The following HNF1B variants were observed in gnomAD, a reference collection of about 807,000 sequenced individuals.
The protein encoded by HNF1B is HNF1 homeobox B.
Under a neutral mutation model 61.7 loss-of-function variants are expected in HNF1B, and 8 were observed. The ratio of observed to expected loss-of-function variants is 0.13; its 90% CI spans 0.08 to 0.23. HNF1B has a LOEUF of 0.23. Ranked by LOEUF, HNF1B falls within the 10% of genes least tolerant of loss-of-function variation. HNF1B has a pLI of 1.00. For missense variants in HNF1B, 562 were observed against 714.5 expected (o/e 0.79, Z 2.43); for synonymous variants, 314 against 287.7 (o/e 1.09, Z -0.93).
chr17:37,739,317 C>T lies in HNF1B; in HGVS notation c.544+123G>A, dbSNP rs528140880. The stretch of plus-strand genomic sequence containing the variant: ...CCACCAAGGCCAAATCTACTTGCCA[C>T]CTTCCTCATATCTGCCAAGTGCTCA... On this transcript the variant is annotated intron_variant, in intron 2 of 8. Transcript: ENST00000617811. 37 of 904,968 alleles carry T rather than the reference C, an allele frequency of 4.1e-5. No homozygotes were observed. In the African/African-American group the frequency reaches 4.7e-4, roughly 12 times the overall value. The allele number at this position is 904,968 out of a possible 1,614,324, so 56.1% of individuals were successfully genotyped here.
chr17:37,724,438 A>G (rs772108784), intron 4 of HNF1B, among the ~76,000 whole-genome samples: 2 of 152,202 alleles, frequency 1.3e-5, no homozygotes, highest in Non-Finnish European at 2.9e-5. Flanking sequence ...GGGTGATTCT[A>G]AAGTGTGGCC....
chr17:37,691,437 A>G (rs1292038374), intron 8 of HNF1B, among the ~76,000 whole-genome samples: 5 of 152,148 alleles, frequency 3.3e-5, no homozygotes, highest in African/African-American at 1.2e-4. Flanking sequence ...CTTCACCCCT[A>G]TGTAAGAGCA....
intron 1 of HNF1B, among the ~76,000 whole-genome samples, chr17:37,741,099 C>T (rs1038671595): frequency 6.6e-6 from 1 of 151,734 alleles, no homozygotes; most frequent in African/African-American, 2.4e-5. Flanking sequence ...AGAAAAAAAA[C>T]GGAAGGGAAA....
intron 8 of HNF1B, among the ~76,000 whole-genome samples, chr17:37,689,921 T>C (rs2032136066): frequency 6.6e-6 from 1 of 152,096 alleles, no homozygotes; most frequent in Admixed American, 6.6e-5. Context: ...GAGATGCAGC[T>C]GTAAACAACA....
At chr17:37,741,612 A>G (rs2033993077) in intron 1 of HNF1B, among the ~76,000 whole-genome samples, 1 of 152,254 alleles carries the variant, frequency 6.6e-6, no homozygotes, top group Non-Finnish European at 1.5e-5. Context: ...TTTAGGATGG[A>G]AAAATACTTT....
intron 8 of HNF1B, among the ~76,000 whole-genome samples, chr17:37,688,181 AC>A (rs2147409864): frequency 6.6e-6 from 1 of 152,224 alleles, no homozygotes; most frequent in Non-Finnish European, 1.5e-5. Context: ...GAGAGAAGCC[AC>A]CTCACCCAAC....
intron 4 of HNF1B, among the ~76,000 whole-genome samples, chr17:37,716,434 A>G (rs2033113554): frequency 6.6e-6 from 1 of 152,060 alleles, no homozygotes; most frequent in African/African-American, 2.4e-5. Context: ...CCTGACCTCA[A>G]GTGATCCGCC....
chr17:37,688,804 A>G (rs2032081678), intron 8 of HNF1B, among the ~76,000 whole-genome samples: 1 of 152,156 alleles, frequency 6.6e-6, no homozygotes, highest in African/African-American at 2.4e-5. Context: ...GTTATTATTA[A>G]CATGGGGTTC....
At chr17:37,696,657 T>C (rs186537378) in intron 8 of HNF1B, among the ~76,000 whole-genome samples, 156 of 152,368 alleles carry the variant, frequency 1.0e-3, no homozygotes, top group African/African-American at 3.1e-3. Context: ...CAGCCTCAGA[T>C]ATTTCTTTAT....
intron 4 of HNF1B, among the ~76,000 whole-genome samples, chr17:37,713,818 A>AGCATGTGGCAATCACT (rs2033016350): frequency 1.3e-5 from 2 of 152,324 alleles, no homozygotes; most frequent in South Asian, 4.1e-4. Flanking sequence ...CCTCTCACCA[A>AGCATGTGGCAATCACT]GCATGTGGCA....
At chr17:37,700,885 G>T in intron 7 of HNF1B, 98 bp downstream of exon 7, 1 of 1,133,338 alleles carries the variant, frequency 8.8e-7, no homozygotes, top group Non-Finnish European at 1.3e-6. Context: ...AAGTGACCAA[G>T]CCAATAAACT....
At chr17:37,743,011 T>C (rs1385007483) in intron 1 of HNF1B, among the ~76,000 whole-genome samples, 1 of 152,176 alleles carries the variant, frequency 6.6e-6, no homozygotes, top group African/African-American at 2.4e-5. Flanking sequence ...CTGTTGATGA[T>C]TTATAGAAAT....
At chr17:37,742,983 G>T (rs913785158) in intron 1 of HNF1B, among the ~76,000 whole-genome samples, 1 of 152,078 alleles carries the variant, frequency 6.6e-6, no homozygotes. Flanking sequence ...ACCTAATCAC[G>T]GCTCTTTGTG....
Position 37,701,119 on chromosome 17 carries a change from C to T in HNF1B, c.1398G>A (p.Leu466=). The part of the protein sequence containing the change: ...VPVINSVAGS[L]AALQPVQFSQ... ...AGAACTGGACGGGCTGCAGGGCTGC[C>T]AGGCTGCCGGCCACACTGTTGATGA... is the stretch of plus-strand genomic sequence containing the variant. The change falls in exon 7 of 9, where the codon CTG becomes CTA. Residue 466 remains leucine, a synonymous_variant. Transcript: ENST00000617811. 6.4e-7 allele frequency: 1 copy of T among 1,552,446 alleles called. No homozygotes were observed. The highest frequency in any genetic ancestry group is 1.2e-5 in the South Asian group (1 of 84,122).
chr17:37,689,427 A>G (rs1027399377), intron 8 of HNF1B, among the ~76,000 whole-genome samples: 1 of 152,238 alleles, frequency 6.6e-6, no homozygotes, highest in Non-Finnish European at 1.5e-5. Flanking sequence ...AGGAGACGCC[A>G]GTGAGATTCT....
intron 2 of HNF1B, 74 bp from the exon 3 acceptor site, chr17:37,733,895 C>T: frequency 7.3e-7 from 1 of 1,373,960 alleles, no homozygotes; most frequent in Non-Finnish European, 1.0e-6. Context: ...GACAGACAGA[C>T]AACGGACGAA....
chr17:37,716,458 C>CA (rs2033115329), intron 4 of HNF1B, among the ~76,000 whole-genome samples: 1 of 152,304 alleles, frequency 6.6e-6, no homozygotes, highest in South Asian at 2.1e-4. Flanking sequence ...CTCAGCCTCC[C>CA]AAAGTGCTGG....
At chr17:37,715,272 A>G (rs540046113) in intron 4 of HNF1B, among the ~76,000 whole-genome samples, 51 of 152,268 alleles carry the variant, frequency 3.3e-4, no homozygotes, top group Middle Eastern at 3.4e-3. Context: ...TTGCATCCTT[A>G]TAGCCTAGCA....
chr17:37,704,776 T>C (rs1275660445), intron 6 of HNF1B, 141 bp downstream of exon 6: 7 of 940,174 alleles, frequency 7.4e-6, no homozygotes, highest in African/African-American at 1.6e-5. Context: ...AGGAGACAGA[T>C]GAGAAACTAA....
Sources: allele counts gnomAD v4.1 joint callset (sites outside exome capture counted in the v4.1 genomes callset), GRCh38; gene constraint gnomAD v4.1.1; transcripts MANE v1.5; gene names NCBI Gene and HGNC (gene_info 2026-07-23, HGNC 2026-07-21).